PRTFDC1: variants seen among roughly 807,000 people sequenced by gnomAD.
The protein encoded by PRTFDC1 is phosphoribosyl transferase domain containing 1, also known as phosphoribosyltransferase domain-containing protein 1.
Under a neutral mutation model 34.6 loss-of-function variants are expected in PRTFDC1, and 38 were observed. The observed-to-expected ratio is 1.10, with a 90% CI of 0.85 to 1.44. The LOEUF is 1.44. Among genes scored for constraint, PRTFDC1 ranks in the 40% most tolerant of loss-of-function variants. The pLI, the probability that PRTFDC1 is intolerant of heterozygous loss-of-function variation, is 0.00. For missense variants in PRTFDC1, 270 were observed against 283.0 expected (o/e 0.95, Z 0.33); for synonymous variants, 93 against 98.1 (o/e 0.95, Z 0.31).
At chr10:24,872,237 C>T (rs1428097161) in intron 3 of PRTFDC1, among the ~76,000 whole-genome samples, 174 bp from the exon 4 acceptor site, 1 of 152,158 alleles carries the variant, frequency 6.6e-6, no homozygotes, top group East Asian at 1.9e-4. Flanking sequence ...CCTGCTACTG[C>T]CCTTGAGACA....
At chr10:24,874,276 G>C (rs566339279) in intron 3 of PRTFDC1, among the ~76,000 whole-genome samples, 1 of 152,092 alleles carries the variant, frequency 6.6e-6, no homozygotes, top group South Asian at 2.1e-4. Context: ...ATTTACAGAT[G>C]TTTTGCTGTT....
chr10:24,875,846 GTT>G (rs61379088), intron 3 of PRTFDC1, among the ~76,000 whole-genome samples: 40,588 of 96,618 alleles, frequency 0.42, 7,972 homozygotes, highest in African/African-American at 0.48. Flanking sequence ...AATTCTCATA[GTT>G]TTTTTTTTTT....
chr10:24,884,787 T>C (rs1156534038), intron 3 of PRTFDC1, among the ~76,000 whole-genome samples: 1 of 152,146 alleles, frequency 6.6e-6, no homozygotes, highest in Non-Finnish European at 1.5e-5. Context: ...TTGGCCATCC[T>C]AAATCAACCA....
At chr10:24,895,204 AT>A (rs1046387498) in intron 3 of PRTFDC1, among the ~76,000 whole-genome samples, 18 of 144,104 alleles carry the variant, frequency 1.2e-4, no homozygotes, top group African/African-American at 3.7e-4. Context: ...AAAACATTCT[AT>A]TTTTATATCC....
At chr10:24,866,374 A>T (rs915838074) in intron 4 of PRTFDC1, among the ~76,000 whole-genome samples, 2 of 150,092 alleles carry the variant, frequency 1.3e-5, no homozygotes, top group Non-Finnish European at 3.0e-5. Flanking sequence ...AAAAAAAAAA[A>T]AAAAAAGAAA....
chr10:24,928,755 C>T (rs898027843), intron 3 of PRTFDC1, among the ~76,000 whole-genome samples: 12 of 150,796 alleles, frequency 8.0e-5, no homozygotes, highest in Non-Finnish European at 1.8e-4. Flanking sequence ...AAGAAGCTTT[C>T]GGCTGAGCGC....
chr10:24,851,060 G>A (rs777403779), intron 8 of PRTFDC1, among the ~76,000 whole-genome samples: 1 of 152,230 alleles, frequency 6.6e-6, no homozygotes, highest in African/African-American at 2.4e-5. Context: ...ACACAAACCA[G>A]TGTATAGAAT....
Position 24,950,110 on chromosome 10 carries a change from T to C in PRTFDC1, c.48+2418A>G, listed in dbSNP as rs116462777. Among the ~76,000 whole-genome samples, 548 of 152,272 alleles carry C rather than the reference T, an allele frequency of 3.6e-3. 4 individuals carry two copies. Among genetic ancestry groups the C allele is most frequent in the African/African-American group, 0.012 (497 of 41,556 alleles). The stretch of plus-strand genomic sequence containing the variant: ...TACCTTGCTTCCAAGAGGACCTCTG[T>C]TGACACCAATAGACTGGGCTATTTA... On this transcript the variant is annotated intron_variant, in intron 1 of 8. Transcript: ENST00000320152.
At chr10:24,850,644 A>AG (rs139372162) in intron 8 of PRTFDC1, among the ~76,000 whole-genome samples, 4 of 151,796 alleles carry the variant, frequency 2.6e-5, no homozygotes, top group South Asian at 2.1e-4. Flanking sequence ...GTCTTTAAAG[A>AG]GGGGGGAGGG....
At chr10:24,929,269 G>C (rs1205014963) in intron 3 of PRTFDC1, among the ~76,000 whole-genome samples, 1 of 152,060 alleles carries the variant, frequency 6.6e-6, no homozygotes, top group African/African-American at 2.4e-5. Flanking sequence ...GTGGGAATGA[G>C]AGAGAAAAAA....
chr10:24,913,510 AATTG>A (rs1848656569), intron 3 of PRTFDC1, among the ~76,000 whole-genome samples: 2 of 152,188 alleles, frequency 1.3e-5, no homozygotes, highest in Non-Finnish European at 2.9e-5. Context: ...TGTCCCAGAG[AATTG>A]GTTAAGTAAA....
intron 3 of PRTFDC1, chr10:24,908,632 G>A (rs956406779): frequency 6.2e-7 from 1 of 1,612,140 alleles, no homozygotes; most frequent in Non-Finnish European, 8.5e-7. Flanking sequence ...ACCCTTGACT[G>A]AAGGCCAGTC....
chr10:24,881,207 C>G lies in PRTFDC1; in HGVS notation c.340-9144G>C, dbSNP rs551716479. ...TCAGCCCCCCAAGTAGCTGGGACTA[C>G]AGATGTGCACCACTACACCCAGCTG... On this transcript the variant is annotated intron_variant, in intron 3 of 8. Coordinates refer to ENST00000320152, the MANE Select transcript of PRTFDC1 (RefSeq NM_020200.7). Among the ~76,000 whole-genome samples, 10 of 150,654 alleles carry G rather than the reference C, an allele frequency of 6.6e-5. 1 individual carries two copies. In the South Asian group the frequency reaches 2.1e-3, roughly 32 times the overall value.
At chr10:24,871,446 TG>T (rs1847865552) in intron 4 of PRTFDC1, among the ~76,000 whole-genome samples, 1 of 152,204 alleles carries the variant, frequency 6.6e-6, no homozygotes, top group Non-Finnish European at 1.5e-5. Context: ...TATTAAGCAC[TG>T]GCAGATTTGG....
At chr10:24,940,870 GA>G (rs1849143655) in intron 2 of PRTFDC1, among the ~76,000 whole-genome samples, 1 of 152,196 alleles carries the variant, frequency 6.6e-6, no homozygotes, top group Non-Finnish European at 1.5e-5. Context: ...TATAGAAAAA[GA>G]TGCTGGAAGT....
intron 3 of PRTFDC1, among the ~76,000 whole-genome samples, chr10:24,894,073 C>T (rs111339843): frequency 1.6e-3 from 238 of 152,292 alleles, no homozygotes; most frequent in Non-Finnish European, 3.0e-3. Context: ...TGGCTCACGC[C>T]TGTAATCCCA....
intron 3 of PRTFDC1, among the ~76,000 whole-genome samples, chr10:24,888,193 C>A (rs1453477502): frequency 6.6e-6 from 1 of 152,194 alleles, no homozygotes; most frequent in Non-Finnish European, 1.5e-5. Context: ...GTTTTGAAAG[C>A]AGCTCGAGGA....
chr10:24,936,119 T>C (rs1459527258), intron 3 of PRTFDC1, among the ~76,000 whole-genome samples: 2 of 152,212 alleles, frequency 1.3e-5, no homozygotes, highest in Admixed American at 1.3e-4. Context: ...GATTCATGAA[T>C]TAAAATGTGT....
At chr10:24,902,880 A>G (rs1019970157) in intron 3 of PRTFDC1, among the ~76,000 whole-genome samples, 1 of 152,214 alleles carries the variant, frequency 6.6e-6, no homozygotes, top group African/African-American at 2.4e-5. Flanking sequence ...ATTTGGCTCA[A>G]GTTTTCTCCT....
Sources: gnomAD v4.1 joint callset for allele counts (sites outside exome capture counted in the v4.1 genomes callset) on GRCh38, gnomAD v4.1.1 for gene constraint, MANE v1.5 for transcripts, NCBI Gene and HGNC (gene_info 2026-07-23, HGNC 2026-07-21) for gene names.